The following TUBB8 variants were observed in gnomAD, a reference collection of about 807,000 sequenced individuals.
TUBB8 encodes the protein tubulin beta 8 class VIII.
A neutral mutation model predicts 33.7 loss-of-function variants in TUBB8; 25 were observed. That is an observed-to-expected ratio of 0.74 (90% CI 0.54 to 1.04). TUBB8 has a LOEUF of 1.04. Among genes scored for constraint, TUBB8 ranks in the 50% least tolerant of loss-of-function variants. The pLI, the probability that TUBB8 is intolerant of heterozygous loss-of-function variation, is 0.00. For missense variants in TUBB8, 279 were observed against 608.0 expected, an observed-to-expected ratio of 0.46 and a Z score of 5.69; for synonymous variants, 245 against 240.1, an observed-to-expected ratio of 1.02 and a Z score of -0.19.
chr10:54,950 G>A (rs190717482), intron 1 of TUBB8, among the ~76,000 whole-genome samples: 19 of 152,280 alleles, frequency 1.2e-4, no homozygotes, highest in East Asian at 5.8e-4. Context: ...TAGAGACGGC[G>A]TTTCACCATC....
chr10:67,101 T>C (rs1834680205), intron 1 of TUBB8, among the ~76,000 whole-genome samples: 1 of 152,190 alleles, frequency 6.6e-6, no homozygotes, highest in South Asian at 2.1e-4. Flanking sequence ...TGCTTTATAG[T>C]AGGATTTGAA....
In TUBB8 at chr10:48,897, A is replaced by C; in HGVS notation, c.73T>G (p.Ser25Ala). Reference protein sequence around the residue: ...QIGAKFWEVISDEHAIDSAGT... With the variant: ...QIGAKFWEVIADEHAIDSAGT... ...GCGGAGTCGATGGCATGTTCATCAG[A>C]GATCACCTCCCAGAACTGCAAGAGA... Residue 25 changes from serine to alanine, a missense_variant, in exon 2 of 4, where the codon TCT (serine) becomes GCT (alanine). By Grantham distance (99) the Ser-to-Ala change is moderately conservative. Coordinates refer to ENST00000568584, the MANE Select transcript of TUBB8 (RefSeq NM_177987.3). 1 of 1,549,132 alleles carries C rather than the reference A, an allele frequency of 6.5e-7. No homozygotes were observed. The highest frequency in any genetic ancestry group is 8.7e-7 in the Non-Finnish European group (1 of 1,147,890).
At chr10:55,902 T>C (rs1438785436) in intron 1 of TUBB8, among the ~76,000 whole-genome samples, 1 of 152,284 alleles carries the variant, frequency 6.6e-6, no homozygotes, top group Non-Finnish European at 1.5e-5. Flanking sequence ...GATAGTATAA[T>C]TTAAAACCAG....
At chr10:64,180 T>A (rs1318352010) in intron 1 of TUBB8, among the ~76,000 whole-genome samples, 1 of 152,076 alleles carries the variant, frequency 6.6e-6, no homozygotes, top group Non-Finnish European at 1.5e-5. Context: ...CCACTGAGAC[T>A]GTGCTGGTTC....
At chr10:76,591 G>T (rs1364074905), upstream of TUBB8, among the ~76,000 whole-genome samples, 1 of 152,044 alleles carries the variant, frequency 6.6e-6, no homozygotes, top group Non-Finnish European at 1.5e-5. Context: ...CGTCCTCACA[G>T]TGGACGCCCC....
chr10:65,317 A>G (rs1446736327), intron 1 of TUBB8, among the ~76,000 whole-genome samples: 2 of 152,252 alleles, frequency 1.3e-5, no homozygotes, highest in African/African-American at 4.8e-5. Context: ...TACGCTAAAT[A>G]GTAAACCAAC....
chr10:56,258 T>C (rs1209356462), intron 1 of TUBB8, among the ~76,000 whole-genome samples: 11 of 152,246 alleles, frequency 7.2e-5, no homozygotes, highest in African/African-American at 2.4e-4. Context: ...GATTACTTTT[T>C]TGAATTCTTT....
At chr10:48,554 C>A (rs781786604) in intron 3 of TUBB8, 61 bp downstream of exon 3, 1 of 1,482,836 alleles carries the variant, frequency 6.7e-7, no homozygotes, top group Non-Finnish European at 9.4e-7. Context: ...CCTTAGCACA[C>A]TCCTGGATTT....
intron 1 of TUBB8, among the ~76,000 whole-genome samples, chr10:61,436 G>C (rs1370574507): frequency 6.6e-6 from 1 of 151,926 alleles, no homozygotes; most frequent in Non-Finnish European, 1.5e-5. Context: ...TTTTTTAATC[G>C]ATTTCTAGTT....
At chr10:58,092 T>A (rs1222596501) in intron 1 of TUBB8, among the ~76,000 whole-genome samples, 1 of 152,236 alleles carries the variant, frequency 6.6e-6, no homozygotes, top group African/African-American at 2.4e-5. Context: ...CACTTTCAAA[T>A]TCAAACTTTT....
intron 1 of TUBB8, among the ~76,000 whole-genome samples, chr10:69,771 C>T (rs1554742074): frequency 6.6e-6 from 1 of 152,162 alleles, no homozygotes; most frequent in Non-Finnish European, 1.5e-5. Context: ...GTTGTATACA[C>T]CTGTAGTCCC....
At chr10:66,562 T>C (rs1240495703) in intron 1 of TUBB8, among the ~76,000 whole-genome samples, 1 of 152,146 alleles carries the variant, frequency 6.6e-6, no homozygotes, top group African/African-American at 2.4e-5. Context: ...GGAGGGAAGA[T>C]TGCTTGAGCC....
intron 1 of TUBB8, among the ~76,000 whole-genome samples, chr10:70,753 C>G (rs1431561887): frequency 1.3e-5 from 2 of 151,836 alleles, no homozygotes; most frequent in Non-Finnish European, 2.9e-5. Context: ...GGACGAATTA[C>G]TTGAACACAG....
upstream of TUBB8, among the ~76,000 whole-genome samples, chr10:53,074 T>A (rs1206644366): frequency 2.6e-5 from 4 of 152,226 alleles, no homozygotes; most frequent in African/African-American, 9.6e-5. Context: ...ATATGCAAGT[T>A]GACACAGTTG....
At chr10:58,264 A>G (rs9919443) in intron 1 of TUBB8, among the ~76,000 whole-genome samples, 14,252 of 112,540 alleles carry the variant, frequency 0.13, no homozygotes, top group African/African-American at 0.26. Context: ...GCCATTCAAA[A>G]TTAAGAAAAT....
chr10:63,949 T>G (rs1271902852), intron 1 of TUBB8, among the ~76,000 whole-genome samples: 19 of 152,296 alleles, frequency 1.2e-4, no homozygotes, highest in Non-Finnish European at 2.6e-4. Flanking sequence ...ACTCTCCAAG[T>G]GTTCAAAGAG....
intron 1 of TUBB8, among the ~76,000 whole-genome samples, chr10:61,934 T>C (rs1371391822): frequency 6.6e-6 from 1 of 152,214 alleles, no homozygotes; most frequent in Non-Finnish European, 1.5e-5. Context: ...TTGGTTTCTA[T>C]TGGCATGGAA....
chr10:53,970 G>T (rs1336349625), upstream of TUBB8, among the ~76,000 whole-genome samples: 1 of 151,942 alleles, frequency 6.6e-6, no homozygotes, highest in Non-Finnish European at 1.5e-5. Flanking sequence ...TTTGATACAG[G>T]CATGCAATCA....
At chr10:48,234 T>G (rs1214993243) in intron 3 of TUBB8, 120 bp from the exon 4 acceptor site, 4 of 1,051,000 alleles carry the variant, frequency 3.8e-6, no homozygotes, top group Middle Eastern at 5.7e-4. Flanking sequence ...GCCCTGCAGG[T>G]GGAGCAGATG....
Sources: allele counts gnomAD v4.1 joint callset (sites outside exome capture counted in the v4.1 genomes callset), GRCh38; gene constraint gnomAD v4.1.1; transcripts MANE v1.5; gene names NCBI Gene and HGNC (gene_info 2026-07-23, HGNC 2026-07-21).